The following TMEM132C variants were observed in gnomAD, a reference collection of about 807,000 sequenced individuals.
The protein encoded by TMEM132C is transmembrane protein 132C.
TMEM132C carries 29 observed loss-of-function variants against 61.4 expected under a neutral mutation model. That is an observed-to-expected ratio of 0.47 (90% confidence interval 0.35 to 0.64). TMEM132C has a LOEUF of 0.64. Among genes scored for constraint, TMEM132C ranks in the 30% least tolerant of loss-of-function variants. TMEM132C has a pLI of 0.00. For synonymous variants in TMEM132C, 656 were observed against 633.1 expected (o/e 1.04, Z -0.54); for missense variants, 1,408 against 1,476.9 (o/e 0.95, Z 0.76).
intron 4 of TMEM132C, among the ~76,000 whole-genome samples, chr12:128,621,869 G>T (rs1953966280): frequency 6.6e-6 from 1 of 152,096 alleles, no homozygotes; most frequent in Admixed American, 6.5e-5. Context: ...ACCATCCCTG[G>T]CTTTTTCCCT....
At chr12:128,349,920 C>T (rs905237407) in intron 1 of TMEM132C, among the ~76,000 whole-genome samples, 2 of 7,288 alleles carry the variant, frequency 2.7e-4, no homozygotes, top group Non-Finnish European at 6.6e-3. Flanking sequence ...ACGTACCGTA[C>T]ACACACACAC....
At chr12:128,481,558 G>A (rs55916854) in intron 2 of TMEM132C, among the ~76,000 whole-genome samples, 11,076 of 152,306 alleles carry the variant, frequency 0.073, 1,282 homozygotes, top group African/African-American at 0.24. Context: ...GCGGATGAGA[G>A]AGCTGAGGCC....
intron 4 of TMEM132C, among the ~76,000 whole-genome samples, chr12:128,639,620 T>C (rs1250788108): frequency 2.0e-5 from 3 of 152,172 alleles, no homozygotes; most frequent in African/African-American, 7.2e-5. Context: ...AAATTAACTC[T>C]GAGAGCAGTT....
At position 128,519,809 on chromosome 12, in the gene TMEM132C, C is replaced by T. The variant is rs573940677; in HGVS notation, c.975-24148C>T. 3.3e-5 allele frequency among the ~76,000 whole-genome samples: 5 copies of T among 152,328 alleles called. No homozygotes were observed. The South Asian group carries it at 1.0e-3, about 32-fold the overall frequency. On this transcript the variant is annotated intron_variant, in intron 2 of 8. Transcript: ENST00000435159. ...GGGGTTGGCAGTTAGTGAGACCCCT[C>T]GAGAGTCTGCCCTGCCAAGCCTCTA...
intron 1 of TMEM132C, among the ~76,000 whole-genome samples, chr12:128,343,734 C>G (rs1035001621): frequency 1.3e-5 from 2 of 152,110 alleles, no homozygotes; most frequent in Non-Finnish European, 2.9e-5. Flanking sequence ...AAAAAAAACC[C>G]TGTATTCATT....
intron 2 of TMEM132C, among the ~76,000 whole-genome samples, chr12:128,533,179 G>A (rs550167374): frequency 9.2e-5 from 14 of 152,238 alleles, no homozygotes; most frequent in South Asian, 6.2e-4. Context: ...GCTTTCCTGC[G>A]CAATGCCCAG....
chr12:128,423,691 G>A lies in TMEM132C; in HGVS notation c.974+8071G>A, dbSNP rs148874932. 5.1e-3 allele frequency among the ~76,000 whole-genome samples: 777 copies of A among 152,010 alleles called. 1 individual carries two copies. Among genetic ancestry groups the A allele is most frequent in the Middle Eastern group, 0.027 (8 of 294 alleles). On this transcript the variant is annotated intron_variant, in intron 2 of 8. Coordinates refer to ENST00000435159, the MANE Select transcript of TMEM132C (RefSeq NM_001136103.3). ...TCAAGTCCAGCCTGGGCAACATAGCGAGACCCTGTCTCTTAAAAAAAAGAG... is the reference window on the plus strand; with the variant it reads ...TCAAGTCCAGCCTGGGCAACATAGCAAGACCCTGTCTCTTAAAAAAAAGAG...
intron 2 of TMEM132C, among the ~76,000 whole-genome samples, chr12:128,469,189 G>C (rs1404582129): frequency 6.6e-6 from 1 of 152,202 alleles, no homozygotes; most frequent in African/African-American, 2.4e-5. Context: ...ATTTCCAGAA[G>C]AGATCTGGTG....
chr12:128,407,483 G>T (rs1298214526), intron 1 of TMEM132C, among the ~76,000 whole-genome samples: 1 of 152,160 alleles, frequency 6.6e-6, no homozygotes, highest in Non-Finnish European at 1.5e-5. Context: ...AAATGTAGAG[G>T]CTTGATCATG....
At chr12:128,603,841 A>T (rs1876294937) in intron 3 of TMEM132C, among the ~76,000 whole-genome samples, 1 of 152,090 alleles carries the variant, frequency 6.6e-6, no homozygotes, top group African/African-American at 2.4e-5. Flanking sequence ...CAGGAGGCAA[A>T]TTGGAGGCCC....
intron 3 of TMEM132C, among the ~76,000 whole-genome samples, chr12:128,600,178 T>C (rs1876128553): frequency 6.6e-6 from 1 of 152,076 alleles, no homozygotes; most frequent in Admixed American, 6.6e-5. Context: ...GAGACGAGGT[T>C]TCACCGTGTT....
intron 1 of TMEM132C, among the ~76,000 whole-genome samples, chr12:128,403,555 A>G (rs1376096976): frequency 2.0e-5 from 3 of 152,190 alleles, no homozygotes; most frequent in Non-Finnish European, 2.9e-5. Context: ...ATTTGAAATA[A>G]TGGTAATGAT....
intron 2 of TMEM132C, among the ~76,000 whole-genome samples, chr12:128,434,629 G>T (rs1162885361): frequency 6.7e-6 from 1 of 148,372 alleles, no homozygotes; most frequent in Admixed American, 6.7e-5. Context: ...TGGAGGGGAA[G>T]TCTCCCTCTG....
intron 2 of TMEM132C, among the ~76,000 whole-genome samples, chr12:128,446,220 A>G (rs980121683): frequency 6.6e-6 from 1 of 152,202 alleles, no homozygotes; most frequent in African/African-American, 2.4e-5. Context: ...CTCACAGGGC[A>G]GTGACAGTGG....
intron 1 of TMEM132C, among the ~76,000 whole-genome samples, chr12:128,310,940 C>T (rs1871944778): frequency 6.6e-6 from 1 of 152,138 alleles, no homozygotes; most frequent in South Asian, 2.1e-4. Flanking sequence ...CTCAAGTACA[C>T]TGATTTGATC....
chr12:128,371,333 C>T (rs886394300), intron 1 of TMEM132C, among the ~76,000 whole-genome samples: 9 of 152,128 alleles, frequency 5.9e-5, no homozygotes, highest in African/African-American at 2.2e-4. Flanking sequence ...ATCTTGGCTC[C>T]AGGAAGGCAT....
chr12:128,554,769 G>A (rs948301010), intron 3 of TMEM132C, among the ~76,000 whole-genome samples: 1 of 152,118 alleles, frequency 6.6e-6, no homozygotes, highest in Non-Finnish European at 1.5e-5. Context: ...TCGCACAGAC[G>A]CTCCTGTATT....
rs145863501 is a variant in TMEM132C at position 128,409,032 on chromosome 12, C to T, written c.86-5700C>T. On this transcript the variant is annotated intron_variant, in intron 1 of 8. Transcript: ENST00000435159. ...AACTCCCGTCTCCTCTCTCAATATA[C>T]GAATGCAGGCTTGTTTGGGTTTTCT... 7.9e-5 allele frequency among the ~76,000 whole-genome samples: 12 copies of T among 152,236 alleles called. No homozygotes were observed. The East Asian group carries it at 1.6e-3, about 20-fold the overall frequency.
rs181104720 is a variant in TMEM132C at position 128,383,150 on chromosome 12, G to A, written c.86-31582G>A. ...CAGTTGTTTAGGTGTGTGCCTGTAT[G>A]TGTGTGCACCTGTGCATGTGTGTCA... On this transcript the variant is annotated intron_variant, in intron 1 of 8. Transcript: ENST00000435159. Among the ~76,000 whole-genome samples, 17 of 152,308 alleles carry A rather than the reference G, an allele frequency of 1.1e-4. 1 individual carries two copies. The highest frequency in any genetic ancestry group is 1.0e-3 in the Admixed American group (16 of 15,310).
Sources: gnomAD v4.1 joint callset for allele counts (sites outside exome capture counted in the v4.1 genomes callset) on GRCh38, gnomAD v4.1.1 for gene constraint, MANE v1.5 for transcripts, NCBI Gene and HGNC (gene_info 2026-07-23, HGNC 2026-07-21) for gene names.